The following MGST1 variants were observed in gnomAD, a reference collection of about 807,000 sequenced individuals.
MGST1 encodes microsomal glutathione S-transferase 1.
In MGST1, 5 loss-of-function variants were observed where a neutral mutation model predicts 8.9. The observed-to-expected ratio is 0.56, with a 90% CI of 0.29 to 1.19. The LOEUF is 1.19. MGST1 is among the 50% of genes most tolerant of loss of function. The probability of loss-of-function intolerance (pLI) is 0.08; values close to 1 mark genes in which losing one functional copy is unlikely to be tolerated. For missense variants in MGST1, 182 were observed against 187.4 expected, an observed-to-expected ratio of 0.97 and a Z score of 0.17; for synonymous variants, 54 against 67.8, an observed-to-expected ratio of 0.80 and a Z score of 1.00.
At chr12:16,483,653 G>A (rs1378488105) in intron 4 of MGST1, among the ~76,000 whole-genome samples, 1 of 152,118 alleles carries the variant, frequency 6.6e-6, no homozygotes, top group Non-Finnish European at 1.5e-5. Flanking sequence ...CAGTTCACCA[G>A]TAATATAGAA....
rs995390101 is a variant in MGST1 at position 16,548,309 on chromosome 12, T to A, written n.483-41219T>A. ...GTCCTTACACACCTTTTTTTTCTTTTCATGGACTTAACATATGCTTTCTAG... is the reference window on the plus strand; with the variant it reads ...GTCCTTACACACCTTTTTTTTCTTTACATGGACTTAACATATGCTTTCTAG... On this transcript the variant is annotated intron_variant and non_coding_transcript_variant, in intron 4 of 4. Transcript: ENST00000538857. This position sits in a 1 kb window ranked among gnomAD's most constrained non-coding sequence, Gnocchi z 4.2. The A allele has an allele frequency of 6.9e-6, 1 of 145,612 alleles. No individual in the cohort carries two copies. Among genetic ancestry groups the A allele is most frequent in the African/African-American group, 2.4e-5 (1 of 40,944 alleles). 9.0% of individuals were successfully genotyped at this position (145,612 alleles called of 1,614,324 possible). A position where few individuals can be genotyped will look rare whatever the true frequency, so the allele number is the denominator to read the frequency against.
intron 4 of MGST1, among the ~76,000 whole-genome samples, chr12:16,509,863 C>G (rs1453191232): frequency 1.3e-5 from 2 of 151,986 alleles, no homozygotes; most frequent in African/African-American, 4.8e-5. Flanking sequence ...AGCTTTGTGC[C>G]CAAACCTGGT....
intron 1 of MGST1, chr12:16,350,808 C>T (rs985102492): frequency 6.6e-6 from 1 of 152,220 alleles, no homozygotes; most frequent in Non-Finnish European, 1.5e-5. Flanking sequence ...AGGTGTGTGT[C>T]AGATGCTTGG....
chr12:16,398,472 A>G (rs771188819), intron 1 of MGST1, among the ~76,000 whole-genome samples: 11 of 152,284 alleles, frequency 7.2e-5, no homozygotes, highest in Admixed American at 3.9e-4. Context: ...TCCCTTCCAG[A>G]TCTACATGTT....
intron 1 of MGST1, among the ~76,000 whole-genome samples, chr12:16,424,829 T>A (rs1306507771): frequency 6.6e-6 from 1 of 152,194 alleles, no homozygotes; most frequent in Non-Finnish European, 1.5e-5. Flanking sequence ...GGGATATATT[T>A]TTGTCTCCTC....
intron 3 of MGST1, among the ~76,000 whole-genome samples, chr12:16,374,070 ATCATGATACATC>A (rs1940341683): frequency 6.6e-6 from 1 of 152,090 alleles, no homozygotes; most frequent in African/African-American, 2.4e-5. Flanking sequence ...ATATGCAGAT[ATCATGATACATC>A]CAGTGTAACA....
intron 4 of MGST1, among the ~76,000 whole-genome samples, chr12:16,588,835 T>A (rs1943403363): frequency 6.6e-6 from 1 of 152,106 alleles, no homozygotes; most frequent in Non-Finnish European, 1.5e-5. Context: ...CTTCTCCTCA[T>A]GTTTAATTTC....
At position 16,560,355 on chromosome 12, in the gene MGST1, A is replaced by C. The variant is rs1942356139; in HGVS notation, n.483-29173A>C. The C allele has an allele frequency of 6.5e-7, 1 of 1,537,632 alleles. No individual in the cohort carries two copies. Among genetic ancestry groups the C allele is most frequent in the Non-Finnish European group, 8.8e-7 (1 of 1,138,348 alleles). On this transcript the variant is annotated intron_variant and non_coding_transcript_variant, in intron 4 of 4. Coordinates refer to the MGST1 transcript ENST00000538857. The surrounding 1 kb of genome is among the most constrained non-coding windows in gnomAD (Gnocchi z 5.0). ...TGAATATAATTTCCACCTATTAAAT[A>C]AATAGCCAGCACAGAGAGGTTAACC... is the stretch of plus-strand genomic sequence containing the variant.
At position 16,401,099 on chromosome 12, in the gene MGST1, C is replaced by T. The variant is rs1940651709; in HGVS notation, n.778+17495C>T. 1 of 1,588,196 alleles carries T rather than the reference C, an allele frequency of 6.3e-7. No homozygotes were observed. The highest frequency in any genetic ancestry group is 1.3e-5 in the African/African-American group (1 of 74,568). On this transcript the variant is annotated intron_variant and non_coding_transcript_variant, in intron 1 of 1. Coordinates refer to the MGST1 transcript ENST00000359720. This position sits in a 1 kb window ranked among gnomAD's most constrained non-coding sequence, Gnocchi z 4.3. The stretch of plus-strand genomic sequence containing the variant: ...AGGTCCTCTGCCTCATCTTTCTCCT[C>T]CTCCTCCTTTTCCTCATCTTCGTTC...
At chr12:16,402,185 T>C in intron 1 of MGST1, 1 of 1,578,746 alleles carries the variant, frequency 6.3e-7, no homozygotes, top group Non-Finnish European at 8.7e-7. Flanking sequence ...CCACTTTTTT[T>C]TTGCTGGCCA....
chr12:16,552,854 T>G (rs1942042289), intron 4 of MGST1, among the ~76,000 whole-genome samples: 1 of 152,090 alleles, frequency 6.6e-6, no homozygotes, highest in East Asian at 1.9e-4. Context: ...TCAATAATGG[T>G]GTTTGTGCAA....
At chr12:16,406,776 G>C (rs2137068459) in intron 1 of MGST1, among the ~76,000 whole-genome samples, 1 of 152,274 alleles carries the variant, frequency 6.6e-6, no homozygotes, top group South Asian at 2.1e-4. Flanking sequence ...TCTGATCTCT[G>C]ACAAAGCTGA....
intron 3 of MGST1, among the ~76,000 whole-genome samples, chr12:16,359,853 C>G (rs894898137): frequency 6.6e-6 from 1 of 152,136 alleles, no homozygotes; most frequent in Non-Finnish European, 1.5e-5. Context: ...TGTGTGAAAG[C>G]GTAACAAAAG....
chr12:16,557,298 C>CA (rs990846919), intron 4 of MGST1, among the ~76,000 whole-genome samples: 1 of 150,872 alleles, frequency 6.6e-6, no homozygotes, highest in African/African-American at 2.4e-5. Context: ...AAAGGACCAC[C>CA]AGGGATCAAA....
In MGST1 at chr12:16,559,445, G is replaced by A. The variant is rs1350989532; in HGVS notation, n.483-30083G>A. Among the ~76,000 whole-genome samples, 2 of 149,670 alleles carry A rather than the reference G, an allele frequency of 1.3e-5. No individual in the cohort carries two copies. The highest frequency in any genetic ancestry group is 1.3e-4 in the Admixed American group (2 of 15,232). On this transcript the variant is annotated intron_variant and non_coding_transcript_variant, in intron 4 of 4. Transcript: ENST00000538857. This position sits in a 1 kb window ranked among gnomAD's most constrained non-coding sequence, Gnocchi z 4.1. ...AATGAAAAACCTGAGGTCCAGAGAG[G>A]GAAGGTGTTTGTTTGGTTTAAGATC...
At chr12:16,417,702 C>G (rs1940799170) in intron 1 of MGST1, among the ~76,000 whole-genome samples, 1 of 152,078 alleles carries the variant, frequency 6.6e-6, no homozygotes, top group African/African-American at 2.4e-5. Flanking sequence ...ATCAATACCT[C>G]TAACTTATGG....
intron 4 of MGST1, among the ~76,000 whole-genome samples, chr12:16,485,758 A>G (rs1202663518): frequency 6.6e-6 from 1 of 152,352 alleles, no homozygotes; most frequent in East Asian, 1.9e-4. Flanking sequence ...GAACAAAGCT[A>G]CATGTTTTGA....
intron 4 of MGST1, among the ~76,000 whole-genome samples, chr12:16,579,012 C>T (rs1205289851): frequency 6.6e-6 from 1 of 152,164 alleles, no homozygotes; most frequent in African/African-American, 2.4e-5. Context: ...CATTTGTACA[C>T]ACTCTTGACA....
chr12:16,568,419 A>AAC (rs10687330), intron 4 of MGST1, among the ~76,000 whole-genome samples: 6,762 of 152,188 alleles, frequency 0.044, 506 homozygotes, highest in African/African-American at 0.15. Flanking sequence ...GTTTCTCCCC[A>AAC]ACCTCCAATC....
Sources: gnomAD v4.1 joint callset for allele counts (sites outside exome capture counted in the v4.1 genomes callset) on GRCh38, gnomAD v4.1.1 for gene constraint, Gnocchi (gnomAD v3.1) non-coding constraint, MANE v1.5 for transcripts, NCBI Gene and HGNC (gene_info 2026-07-23, HGNC 2026-07-21) for gene names.